Variants in COL25A1 observed in about 807,000 individuals in gnomAD.
The protein encoded by COL25A1 is collagen alpha-1(XXV) chain.
In COL25A1, 103 loss-of-function variants were observed where a neutral mutation model predicts 128.4. The ratio of observed to expected loss-of-function variants is 0.80; its 90% CI spans 0.68 to 0.94. The LOEUF is 0.94. Ranked by LOEUF, COL25A1 falls within the 40% of genes least tolerant of loss-of-function variation. The pLI is 0.00. For missense variants in COL25A1, 745 were observed against 840.0 expected (o/e 0.89, Z 1.40); for synonymous variants, 279 against 277.2 (o/e 1.01, Z -0.06).
intron 13 of COL25A1, among the ~76,000 whole-genome samples, chr4:108,913,957 A>G (rs1235264812): frequency 6.6e-6 from 1 of 152,248 alleles, no homozygotes; most frequent in African/African-American, 2.4e-5. Context: ...GGGGGAAAGA[A>G]TAAATTATGG....
At chr4:109,104,401 A>ACTCACT (rs1553933036) in intron 3 of COL25A1, among the ~76,000 whole-genome samples, 1 of 149,976 alleles carries the variant, frequency 6.7e-6, no homozygotes, top group Admixed American at 6.6e-5. Flanking sequence ...AAAGGAAATC[A>ACTCACT]CTCTCTCTCT....
chr4:109,300,805 C>T (rs978336595), intron 2 of COL25A1, among the ~76,000 whole-genome samples, 153 bp from the exon 3 acceptor site: 8 of 152,136 alleles, frequency 5.3e-5, no homozygotes, highest in African/African-American at 1.9e-4. Flanking sequence ...AAGAAAGTAA[C>T]CATGCCTAAG....
chr4:109,201,717 A>G (rs1394365477), intron 3 of COL25A1, among the ~76,000 whole-genome samples: 2 of 152,192 alleles, frequency 1.3e-5, no homozygotes, highest in Non-Finnish European at 2.9e-5. Context: ...CACAGATTAT[A>G]TAATTGTTAA....
At chr4:109,012,553 G>A (rs1434390089) in intron 5 of COL25A1, among the ~76,000 whole-genome samples, 1 of 152,166 alleles carries the variant, frequency 6.6e-6, no homozygotes, top group Admixed American at 6.5e-5. Context: ...GGGCTTGGCG[G>A]GCCCACACTT....
intron 4 of COL25A1, among the ~76,000 whole-genome samples, chr4:109,049,825 T>A (rs1289076593): frequency 6.6e-6 from 1 of 152,164 alleles, no homozygotes; most frequent in Non-Finnish European, 1.5e-5. Context: ...CGTGTGCAGC[T>A]GAGAAACACG....
rs566221267 is a variant in COL25A1 at position 108,827,381 on chromosome 4, T to C, written c.1711-193A>G. On this transcript the variant is annotated intron_variant, in intron 32 of 37. Transcript: ENST00000399132. ...GTAGCATCTTTTACTAAATCACCTT[T>C]GAAAGAGGGGCAGCACAAGATTGCT... 7.9e-5 allele frequency among the ~76,000 whole-genome samples: 12 copies of C among 152,342 alleles called. No homozygotes were observed. In the East Asian group the frequency reaches 1.9e-3, roughly 24 times the overall value.
intron 11 of COL25A1, among the ~76,000 whole-genome samples, chr4:108,922,805 T>A (rs192977816): frequency 4.0e-4 from 61 of 152,314 alleles, no homozygotes; most frequent in African/African-American, 1.3e-3. Context: ...GTTTTTAAGA[T>A]TTAACATTAA....
At chr4:109,245,031 T>C (rs1450515159) in intron 3 of COL25A1, among the ~76,000 whole-genome samples, 1 of 152,142 alleles carries the variant, frequency 6.6e-6, no homozygotes, top group African/African-American at 2.4e-5. Context: ...TATGGCACTA[T>C]AATTGACACA....
chr4:109,267,659 A>G (rs946302610), intron 3 of COL25A1, among the ~76,000 whole-genome samples: 5 of 152,122 alleles, frequency 3.3e-5, no homozygotes, highest in African/African-American at 1.2e-4. Flanking sequence ...AAATCTGAAG[A>G]GCTCCAAAAT....
intron 11 of COL25A1, among the ~76,000 whole-genome samples, chr4:108,924,281 A>G (rs1416837124): frequency 2.0e-5 from 3 of 152,220 alleles, no homozygotes; most frequent in African/African-American, 7.2e-5. Context: ...TTCAGAAAAC[A>G]TCATGGAAAG....
rs748166827 is a variant in COL25A1, at chr4:109,288,960, T to TACAC, written c.367+11622_367+11623insGTGT. 7.2e-3 allele frequency among the ~76,000 whole-genome samples: 704 copies of TACAC among 98,208 alleles called. 3 individuals carry two copies. Among genetic ancestry groups the TACAC allele is most frequent in the African/African-American group, 0.03 (675 of 22,608 alleles). 64.4% of individuals were successfully genotyped at this position (98,208 alleles called of 152,430 possible). On this transcript the variant is annotated intron_variant, in intron 3 of 37. Transcript: ENST00000399132. ...TTACTACCAGGAATACTAAATTATA[T>TACAC]ATACACACACACACACACACACACA...
chr4:109,147,770 T>C (rs969455151), intron 3 of COL25A1, among the ~76,000 whole-genome samples: 1 of 151,268 alleles, frequency 6.6e-6, no homozygotes, highest in Non-Finnish European at 1.5e-5. Flanking sequence ...TGAGCCAAGA[T>C]TGTGCCACTG....
rs147289500 is a variant in COL25A1 at position 109,086,790 on chromosome 4, G to C, written c.368-36611C>G. ...GGAAGAGTCTGTTTCTACTCAGAGG[G>C]GCCTAGGAAAGCTGTTCTGCAATGC... On this transcript the variant is annotated intron_variant, in intron 3 of 37. Coordinates refer to ENST00000399132, the MANE Select transcript of COL25A1 (RefSeq NM_198721.4). 8.5e-5 allele frequency among the ~76,000 whole-genome samples: 13 copies of C among 152,234 alleles called. No homozygotes were observed. The East Asian group carries it at 2.3e-3, about 27-fold the overall frequency.
intron 5 of COL25A1, among the ~76,000 whole-genome samples, chr4:109,019,972 T>C (rs1023807905): frequency 6.6e-6 from 1 of 152,232 alleles, no homozygotes; most frequent in Non-Finnish European, 1.5e-5. Flanking sequence ...AATTATGCTC[T>C]GTAAGTACTG....
chr4:109,197,479 TTA>T (rs1161999525), intron 3 of COL25A1, among the ~76,000 whole-genome samples: 2 of 117,826 alleles, frequency 1.7e-5, no homozygotes, highest in African/African-American at 6.2e-5. Flanking sequence ...ATAATATATA[TTA>T]TATATTATAT....
chr4:109,236,030 T>C (rs1779455854), intron 3 of COL25A1, among the ~76,000 whole-genome samples: 1 of 152,104 alleles, frequency 6.6e-6, no homozygotes, highest in African/African-American at 2.4e-5. Context: ...TACTGATTTC[T>C]TATATATTGC....
chr4:108,861,012 G>T, intron 22 of COL25A1, 41 bp from the exon 23 acceptor site: 1 of 1,559,346 alleles, frequency 6.4e-7, no homozygotes, highest in Non-Finnish European at 8.8e-7. Context: ...TCAGAAGTGG[G>T]GGAATCTAGA....
At chr4:108,969,430 C>T (rs553154427) in intron 8 of COL25A1, among the ~76,000 whole-genome samples, 3 of 152,330 alleles carry the variant, frequency 2.0e-5, no homozygotes, top group Admixed American at 2.0e-4. Flanking sequence ...GATTCACAGA[C>T]TTAGTAACAT....
intron 28 of COL25A1, among the ~76,000 whole-genome samples, chr4:108,845,542 C>G (rs1403443958): frequency 6.6e-6 from 1 of 152,144 alleles, no homozygotes; most frequent in East Asian, 1.9e-4. Flanking sequence ...AATGTTATAT[C>G]TTTTATGGTG....
Sources: gnomAD v4.1 joint callset for allele counts (sites outside exome capture counted in the v4.1 genomes callset) on GRCh38, gnomAD v4.1.1 for gene constraint, MANE v1.5 for transcripts, NCBI Gene and HGNC (gene_info 2026-07-23, HGNC 2026-07-21) for gene names.